Variants in SELENOI observed in about 807,000 individuals in gnomAD.
The protein encoded by SELENOI is selenoprotein I, also known as ethanolaminephosphotransferase 1.
A neutral mutation model predicts 50.7 loss-of-function variants in SELENOI; 24 were observed. That is an observed-to-expected ratio of 0.47 (90% confidence interval 0.34 to 0.67). The LOEUF (loss-of-function observed/expected upper bound fraction) is 0.67, where lower values mean the gene tolerates loss of function less well. SELENOI is among the 30% of genes least tolerant of loss of function. The pLI is 0.01. For synonymous variants in SELENOI, 155 were observed against 170.2 expected, an observed-to-expected ratio of 0.91 and a Z score of 0.70; for missense variants, 352 against 461.4, an observed-to-expected ratio of 0.76 and a Z score of 2.17.
intron 1 of SELENOI, among the ~76,000 whole-genome samples, chr2:26,363,880 A>G (rs1388326065): frequency 6.6e-6 from 1 of 152,076 alleles, no homozygotes; most frequent in Non-Finnish European, 1.5e-5. Context: ...AGCTGGGATT[A>G]CAGGCGTGTG....
At chr2:26,372,694 A>G (rs1221571293) in intron 4 of SELENOI, among the ~76,000 whole-genome samples, 2 of 152,174 alleles carry the variant, frequency 1.3e-5, no homozygotes, top group Non-Finnish European at 2.9e-5. Flanking sequence ...TTACTATGGC[A>G]TGTTCGCTGG....
At chr2:26,368,612 A>G (rs1677339495) in intron 4 of SELENOI, among the ~76,000 whole-genome samples, 1 of 152,182 alleles carries the variant, frequency 6.6e-6, no homozygotes, top group African/African-American at 2.4e-5. Flanking sequence ...TCTATGTCCT[A>G]CTGGGGAGTC....
chr2:26,384,550 C>T (rs973278616), intron 7 of SELENOI, among the ~76,000 whole-genome samples: 7 of 152,182 alleles, frequency 4.6e-5, no homozygotes, highest in Admixed American at 4.6e-4. Flanking sequence ...AGTTCTCTAT[C>T]ACTTTGTGTC....
intron 4 of SELENOI, among the ~76,000 whole-genome samples, chr2:26,372,015 C>T (rs1677466341): frequency 6.6e-6 from 1 of 152,178 alleles, no homozygotes; most frequent in African/African-American, 2.4e-5. Context: ...GCCTGAAAAG[C>T]CATTCTAGAT....
At chr2:26,377,855 C>T (rs1483453333) in intron 6 of SELENOI, among the ~76,000 whole-genome samples, 1 of 152,032 alleles carries the variant, frequency 6.6e-6, no homozygotes, top group Non-Finnish European at 1.5e-5. Flanking sequence ...TATTTCTTTG[C>T]ATACCTAGCA....
chr2:26,346,326 C>A, intron 1 of SELENOI, 37 bp downstream of exon 1: 1 of 1,589,002 alleles, frequency 6.3e-7, no homozygotes, highest in East Asian at 2.3e-5. Context: ...TCCCTGCTCC[C>A]GGCCTCGCCC....
intron 1 of SELENOI, among the ~76,000 whole-genome samples, chr2:26,361,304 C>T (rs772647730): frequency 1.3e-5 from 2 of 152,138 alleles, no homozygotes; most frequent in Non-Finnish European, 2.9e-5. Flanking sequence ...AGTCCTGGGG[C>T]CAATTCCCCA....
At chr2:26,356,882 T>C (rs1677075055) in intron 1 of SELENOI, among the ~76,000 whole-genome samples, 1 of 152,204 alleles carries the variant, frequency 6.6e-6, no homozygotes, top group African/African-American at 2.4e-5. Flanking sequence ...CTGATACTTC[T>C]GTTGGTGGTC....
intron 6 of SELENOI, among the ~76,000 whole-genome samples, chr2:26,377,529 G>A (rs571349551): frequency 7.9e-5 from 12 of 152,208 alleles, no homozygotes; most frequent in Admixed American, 2.0e-4. Flanking sequence ...TTACTTGGGA[G>A]GCTGAGGCAG....
At chr2:26,383,234 G>T in intron 6 of SELENOI, 65 bp from the exon 7 acceptor site, 4 of 1,221,124 alleles carry the variant, frequency 3.3e-6, no homozygotes, top group Non-Finnish European at 4.4e-6. Context: ...TGTTTTGCAT[G>T]ATTCAGTGGT....
intron 9 of SELENOI, among the ~76,000 whole-genome samples, chr2:26,387,536 CA>C (rs79942498): frequency 3.4e-5 from 5 of 146,622 alleles, no homozygotes; most frequent in Admixed American, 6.8e-5. Context: ...ACAAAAAATA[CA>C]AAAAAAAAAT....
chr2:26,361,878 G>A (rs1292068169), intron 1 of SELENOI, among the ~76,000 whole-genome samples: 5 of 152,004 alleles, frequency 3.3e-5, no homozygotes, highest in Non-Finnish European at 5.9e-5. Flanking sequence ...GGCTGGTCTC[G>A]AACTCATGAC....
Position 26,346,159 on chromosome 2 carries a change from C to G in SELENOI, c.-74C>G. The G allele has an allele frequency of 2.5e-6, 4 of 1,609,886 alleles. No homozygotes were observed. Among genetic ancestry groups the G allele is most frequent in the Non-Finnish European group, 3.4e-6 (4 of 1,178,178 alleles). ...CCAGTCTTTGCCATCCTTGCCCAGCCGGTGTGGTGCTTGTGTGTCACAGCC... is the reference window on the plus strand; with the variant it reads ...CCAGTCTTTGCCATCCTTGCCCAGCGGGTGTGGTGCTTGTGTGTCACAGCC... On this transcript the variant is annotated 5_prime_UTR_variant, in exon 1 of 10. Coordinates refer to ENST00000260585, the MANE Select transcript of SELENOI (RefSeq NM_033505.4).
chr2:26,392,394 T>C lies in SELENOI; in HGVS notation c.*3291T>C, dbSNP rs1368245716. The C allele has an allele frequency of 1.3e-5, 2 of 152,246 alleles. No homozygotes were observed. The highest frequency in any genetic ancestry group is 1.9e-4 in the East Asian group (1 of 5,206). 9.4% of individuals were successfully genotyped at this position (152,246 alleles called of 1,614,324 possible). A position where few individuals can be genotyped will look rare whatever the true frequency, so the allele number is the denominator to read the frequency against. On this transcript the variant is annotated 3_prime_UTR_variant, in exon 10 of 10. Transcript: ENST00000260585. ...TGTACCTTGCTTCCATAACAGACTTTGACTCTATGACCTATGAAGAATAAA... is the reference window on the plus strand; with the variant it reads ...TGTACCTTGCTTCCATAACAGACTTCGACTCTATGACCTATGAAGAATAAA...
At position 26,385,032 on chromosome 2, in the gene SELENOI, C is replaced by T; in HGVS notation, c.805C>T (p.Leu269=). 2 of 1,613,124 alleles carry T rather than the reference C, an allele frequency of 1.2e-6. No individual in the cohort carries two copies. Among genetic ancestry groups the T allele is most frequent in the Non-Finnish European group, 1.7e-6 (2 of 1,179,480 alleles). ...GGTTCCCTTATTTTCTCCATGCTTG[C>T]TGTTCATTTTGTCTACAGCGTGGAT... The part of the protein sequence containing the change: ...AMVPLFSPCL[L]FILSTAWILW... Residue 269 remains leucine, a synonymous_variant, in exon 8 of 10, where the codon CTG becomes TTG. Transcript: ENST00000260585.
intron 1 of SELENOI, among the ~76,000 whole-genome samples, chr2:26,358,811 G>A (rs888669649): frequency 6.6e-6 from 1 of 152,186 alleles, no homozygotes; most frequent in Non-Finnish European, 1.5e-5. Flanking sequence ...TGCAGTCCAC[G>A]TGAGAAAGGC....
intron 6 of SELENOI, among the ~76,000 whole-genome samples, chr2:26,379,501 A>G (rs1297689050): frequency 1.3e-5 from 2 of 152,050 alleles, no homozygotes; most frequent in South Asian, 2.1e-4. Context: ...GTTGGGGGGC[A>G]TGCTGGGGAA....
At chr2:26,383,486 G>C in intron 7 of SELENOI, 139 bp downstream of exon 7, 1 of 604,422 alleles carries the variant, frequency 1.7e-6, no homozygotes, top group Non-Finnish European at 2.9e-6. Context: ...TCTTTAATGG[G>C]GTAGGATAGT....
intron 4 of SELENOI, among the ~76,000 whole-genome samples, chr2:26,370,891 ACCTC>A (rs1677416121): frequency 5.4e-5 from 4 of 74,340 alleles, no homozygotes; most frequent in African/African-American, 2.3e-4. Flanking sequence ...TGACACCCCC[ACCTC>A]CCTCCCGGAC....
Sources: gnomAD v4.1 joint callset for allele counts (sites outside exome capture counted in the v4.1 genomes callset) on GRCh38, gnomAD v4.1.1 for gene constraint, MANE v1.5 for transcripts, NCBI Gene and HGNC (gene_info 2026-07-23, HGNC 2026-07-21) for gene names.